SYNE1: variants seen among roughly 807,000 people sequenced by gnomAD.
SYNE1 encodes the protein nesprin-1.
A neutral mutation model predicts 1,111.0 loss-of-function variants in SYNE1; 616 were observed. That is an observed-to-expected ratio of 0.55 (90% CI 0.52 to 0.59). The LOEUF is 0.59. Ranked by LOEUF, SYNE1 falls within the 20% of genes least tolerant of loss-of-function variation. The pLI, the probability that SYNE1 is intolerant of heterozygous loss-of-function variation, is 0.00. For synonymous variants in SYNE1, 3,855 were observed against 3,825.8 expected, an observed-to-expected ratio of 1.01 and a Z score of -0.28; for missense variants, 10,006 against 10,417.0, an observed-to-expected ratio of 0.96 and a Z score of 1.72.
chr6:152,360,659 A>T (rs927333604), intron 64 of SYNE1, among the ~76,000 whole-genome samples: 33 of 152,242 alleles, frequency 2.2e-4, no homozygotes, highest in African/African-American at 8.0e-4. Context: ...AATCGGGCAC[A>T]GTCCCTACAT....
intron 29 of SYNE1, 22 bp downstream of exon 29, chr6:152,447,431 TGTTTA>T: frequency 6.2e-7 from 1 of 1,612,686 alleles, no homozygotes; most frequent in Non-Finnish European, 8.5e-7. Flanking sequence ...CAGAACTGTC[TGTTTA>T]GAGTGTGAGT....
chr6:152,535,001 G>A (rs1354316868), intron 4 of SYNE1, among the ~76,000 whole-genome samples: 1 of 152,222 alleles, frequency 6.6e-6, no homozygotes, highest in East Asian at 1.9e-4. Context: ...CTACTCACCA[G>A]AGATATGCTG....
rs558874603 is a variant in SYNE1 at position 152,370,987 on chromosome 6, A to G, written c.9508-1373T>C. 3.9e-5 allele frequency among the ~76,000 whole-genome samples: 6 copies of G among 152,350 alleles called. No individual in the cohort carries two copies. In the East Asian group the frequency reaches 1.2e-3, roughly 29 times the overall value. On this transcript the variant is annotated intron_variant, in intron 59 of 145. Coordinates refer to ENST00000367255, the MANE Select transcript of SYNE1 (RefSeq NM_182961.4). ...ATTCTACCAAAATTTAGGTTGCATG[A>G]AGGCAGGGACTTGGTTCTGTTTTAT...
chr6:152,353,549 A>T, intron 68 of SYNE1, 40 bp downstream of exon 68: 1 of 1,613,974 alleles, frequency 6.2e-7, no homozygotes, highest in Non-Finnish European at 8.5e-7. Flanking sequence ...TGGCTGGCGA[A>T]GTTTGCTGGT....
chr6:152,367,186 G>T (rs191750848), intron 62 of SYNE1, 32 bp downstream of exon 62: 15 of 1,614,016 alleles, frequency 9.3e-6, no homozygotes, highest in Non-Finnish European at 1.1e-5. Context: ...AAATTCTGTA[G>T]GTTGGAGATA....
intron 117 of SYNE1, among the ~76,000 whole-genome samples, chr6:152,223,999 C>G (rs929014204): frequency 2.0e-5 from 3 of 152,136 alleles, no homozygotes; most frequent in African/African-American, 7.2e-5. Flanking sequence ...CCACAGGAAA[C>G]CAAGCAGTAA....
chr6:152,444,674 T>G (rs1170008147), intron 29 of SYNE1, 96 bp from the exon 30 acceptor site: 2 of 1,135,740 alleles, frequency 1.8e-6, no homozygotes, highest in Non-Finnish European at 2.5e-6. Flanking sequence ...AAATAAACAT[T>G]GTACATATTT....
intron 84 of SYNE1, chr6:152,320,230 C>T (rs2095840415): frequency 1.3e-5 from 2 of 152,060 alleles, no homozygotes; most frequent in African/African-American, 4.8e-5. Flanking sequence ...AGAAGAAAAG[C>T]CAAATATATC....
intron 12 of SYNE1, 137 bp downstream of exon 12, chr6:152,488,257 CTT>C (rs2098951748): frequency 1.7e-6 from 1 of 599,908 alleles, no homozygotes; most frequent in Non-Finnish European, 2.9e-6. Flanking sequence ...TATATGCAAA[CTT>C]AGGGTAATGA....
chr6:152,508,161 A>G (rs932993659), intron 8 of SYNE1, among the ~76,000 whole-genome samples: 1 of 152,244 alleles, frequency 6.6e-6, no homozygotes, highest in Admixed American at 6.5e-5. Flanking sequence ...TAGTGTAAAA[A>G]GCAGTTTTTA....
At chr6:152,129,276 C>T (rs551634895) in intron 145 of SYNE1, 2 of 152,202 alleles carry the variant, frequency 1.3e-5, no homozygotes, top group African/African-American at 4.8e-5. Flanking sequence ...ATAACATAAG[C>T]GCTTTCCCCC....
chr6:152,399,063 A>G (rs984460525), intron 48 of SYNE1, among the ~76,000 whole-genome samples: 2 of 152,160 alleles, frequency 1.3e-5, no homozygotes, highest in African/African-American at 2.4e-5. Context: ...GCAAGGAGAG[A>G]AATGCTCCAG....
intron 137 of SYNE1, chr6:152,145,549 A>C (rs766955532): frequency 6.2e-7 from 1 of 1,614,058 alleles, no homozygotes; most frequent in Non-Finnish European, 8.5e-7. Flanking sequence ...TTCGGGGATC[A>C]TTACATCTGC....
chr6:152,176,585 A>G (rs1483116753), intron 129 of SYNE1, 25 bp from the exon 130 acceptor site: 3 of 1,610,720 alleles, frequency 1.9e-6, no homozygotes, highest in Admixed American at 3.3e-5. Context: ...GCAATCACAG[A>G]GGTCAGAAAG....
chr6:152,236,639 AAAG>A (rs2084140557), intron 109 of SYNE1, among the ~76,000 whole-genome samples, 175 bp downstream of exon 109: 1 of 152,246 alleles, frequency 6.6e-6, no homozygotes, highest in Admixed American at 6.5e-5. Flanking sequence ...AAAAAAGAAA[AAAG>A]AAAGACTTTT....
intron 22 of SYNE1, among the ~76,000 whole-genome samples, chr6:152,457,882 A>C (rs1396576437): frequency 6.6e-6 from 1 of 151,528 alleles, no homozygotes; most frequent in African/African-American, 2.4e-5. Flanking sequence ...TGATTCTCCA[A>C]AAGAAAGTCA....
At position 152,455,898 on chromosome 6, in the gene SYNE1, A is replaced by G. The variant is rs376628472; in HGVS notation, c.2715T>C (p.His905=). Residue 905 remains histidine, a synonymous_variant, in exon 23 of 146, where the codon CAT becomes CAC. Transcript: ENST00000367255. ...GAGAGCAAATTACCTGAAAAGCAAC[A>G]TGAATATCTGCAATCTGTCTTTGTA... is the stretch of plus-strand genomic sequence containing the variant. ...TRLQRQIADI[H]VAFQSMVKKT... 2 of 1,614,064 alleles carry G rather than the reference A, an allele frequency of 1.2e-6. No homozygotes were observed. Among genetic ancestry groups the G allele is most frequent in the South Asian group, 1.1e-5 (1 of 91,076 alleles).
rs377119157 is a variant in SYNE1, at chr6:152,133,476, C to T, written c.25801G>A (p.Glu8601Lys). ...HHKQLMQIKH[E>K]LLESQLRVAS... ...ACTCTGAGTTGGGATTCCAACAGCT[C>T]ATGCTTTATTTGCTATGCATACAAA... Residue 8601 changes from glutamate (E) to lysine (K), a missense_variant, in exon 143 of 146, where the codon GAG becomes AAG. Physicochemically the swap from Glu to Lys is moderately conservative, Grantham distance 56 (BLOSUM62 1). Around this residue, in one of 7 missense-constraint regions of SYNE1, gnomAD observed 761 missense variants for 795.5 expected, o/e 0.96. Coordinates refer to ENST00000367255, the MANE Select transcript of SYNE1 (RefSeq NM_182961.4). The T allele has an allele frequency of 1.9e-6, 3 of 1,614,044 alleles. No individual in the cohort carries two copies. The highest frequency in any genetic ancestry group is 1.7e-6 in the Non-Finnish European group (2 of 1,180,014).
intron 3 of SYNE1, among the ~76,000 whole-genome samples, chr6:152,619,045 A>ATC (rs147547866): frequency 0.21 from 28,132 of 131,038 alleles, 2,743 homozygotes; most frequent in Admixed American, 0.29. Flanking sequence ...AGGTGTGAGA[A>ATC]TCACACACAC....
Sources: gnomAD v4.1 joint callset for allele counts (sites outside exome capture counted in the v4.1 genomes callset) on GRCh38, gnomAD v4.1.1 for gene constraint, gnomAD v4.1.1 regional missense constraint, MANE v1.5 for transcripts, NCBI Gene and HGNC (gene_info 2026-07-23, HGNC 2026-07-21) for gene names.